TMEM236: variants seen among roughly 807,000 people sequenced by gnomAD.
The protein encoded by TMEM236 is family with sequence similarity 23, member A.
Under a neutral mutation model 14.7 loss-of-function variants are expected in TMEM236, and 11 were observed. That is an observed-to-expected ratio of 0.75 (90% confidence interval 0.47 to 1.24). TMEM236 has a LOEUF of 1.24. TMEM236 is among the 50% of genes most tolerant of loss of function. The probability of loss-of-function intolerance (pLI) is 0.00; values close to 1 mark genes in which losing one functional copy is unlikely to be tolerated. For synonymous variants in TMEM236, 182 were observed against 168.6 expected (o/e 1.08, Z -0.62); for missense variants, 464 against 427.3 (o/e 1.09, Z -0.76).
At position 17,796,368 on chromosome 10, in the gene TMEM236, G is replaced by T. The variant is rs1838015605; in HGVS notation, c.920G>T (p.Gly307Val). The change falls in exon 4 of 4, where the codon GGT (glycine) becomes GTT (valine). Residue 307 changes from glycine to valine, a missense_variant. By Grantham distance (109) the Gly-to-Val change is moderately radical (BLOSUM62 -3). Coordinates refer to ENST00000377495, the MANE Select transcript of TMEM236 (RefSeq NM_001098844.3). ...QDLPFVFVRL[G>V]LIIALGTITP... ...TTACCATTCGTTTTTGTTAGACTTG[G>T]TTTAATCATTGCCCTGGGGACTATC... The T allele has an allele frequency of 1.2e-6, 2 of 1,613,788 alleles. No individual in the cohort carries two copies. The highest frequency in any genetic ancestry group is 2.7e-5 in the African/African-American group (2 of 74,896).
In TMEM236 at chr10:17,798,403, G is replaced by A; in HGVS notation, c.*1899G>A. The A allele has an allele frequency of 2.7e-6, 1 of 369,262 alleles. No individual in the cohort carries two copies. The highest frequency in any genetic ancestry group is 2.1e-5 in the South Asian group (1 of 48,138). 22.9% of individuals were successfully genotyped at this position (369,262 alleles called of 1,614,324 possible). On this transcript the variant is annotated 3_prime_UTR_variant, in exon 4 of 4. Coordinates refer to ENST00000377495, the MANE Select transcript of TMEM236 (RefSeq NM_001098844.3). Reference sequence around the variant, plus strand: ...AAAATACAAAAATTAGCTGGGCATGGTGATCTGCAACTATAGTCCCAGCTA... The same window carrying A: ...AAAATACAAAAATTAGCTGGGCATGATGATCTGCAACTATAGTCCCAGCTA...
intron 3 of TMEM236, among the ~76,000 whole-genome samples, chr10:17,795,296 A>G (rs961358665): frequency 1.3e-5 from 2 of 152,224 alleles, no homozygotes; most frequent in African/African-American, 2.4e-5. Context: ...GGAGTCAAAC[A>G]AATCTAGGTG....
chr10:17,773,174 G>T (rs2131750786), intron 2 of TMEM236, among the ~76,000 whole-genome samples: 1 of 152,288 alleles, frequency 6.6e-6, no homozygotes, highest in African/African-American at 2.4e-5. Flanking sequence ...AAGCATTTCT[G>T]TTGGTTATGT....
intron 1 of TMEM236, among the ~76,000 whole-genome samples, chr10:17,759,146 A>G (rs1292429704): frequency 1.3e-5 from 2 of 152,170 alleles, no homozygotes; most frequent in Non-Finnish European, 2.9e-5. Flanking sequence ...TAAACAAGTG[A>G]GATGGTTGGG....
chr10:17,755,707 G>A (rs1752476171), intron 1 of TMEM236, among the ~76,000 whole-genome samples: 1 of 152,098 alleles, frequency 6.6e-6, no homozygotes, highest in African/African-American at 2.4e-5. Flanking sequence ...GAATTTTGAG[G>A]GAATGGTGGA....
intron 3 of TMEM236, among the ~76,000 whole-genome samples, chr10:17,779,553 G>GCCTCCCAA (rs1837714520): frequency 4.6e-5 from 7 of 152,228 alleles, no homozygotes; most frequent in African/African-American, 1.7e-4. Context: ...TGGGAATACA[G>GCCTCCCAA]GAGGGCACCA....
chr10:17,788,556 G>A (rs1183928576), intron 3 of TMEM236, among the ~76,000 whole-genome samples: 3 of 143,306 alleles, frequency 2.1e-5, no homozygotes, highest in African/African-American at 7.8e-5. Flanking sequence ...TTCAAGACCA[G>A]CCTGAGTAAC....
In TMEM236 at chr10:17,796,881, G is replaced by T; in HGVS notation, c.*377G>T. The stretch of plus-strand genomic sequence containing the variant: ...AACTGAGCGTTCCCGCCTGCATTCC[G>T]CCTCCTGTCAGATCAGCAGCAGCAT... On this transcript the variant is annotated 3_prime_UTR_variant, in exon 4 of 4. Coordinates refer to ENST00000377495, the MANE Select transcript of TMEM236 (RefSeq NM_001098844.3). 1 of 268,640 alleles carries T rather than the reference G, an allele frequency of 3.7e-6. No individual in the cohort carries two copies. The highest frequency in any genetic ancestry group is 7.1e-6 in the Non-Finnish European group (1 of 140,486). 16.6% of individuals were successfully genotyped at this position (268,640 alleles called of 1,614,324 possible).
intron 1 of TMEM236, among the ~76,000 whole-genome samples, chr10:17,755,006 T>C (rs1302109821): frequency 1.3e-5 from 2 of 152,010 alleles, no homozygotes; most frequent in African/African-American, 4.8e-5. Context: ...TGGCACGATC[T>C]CAGCTCACTG....
chr10:17,762,681 T>C (rs1331202130), intron 1 of TMEM236, among the ~76,000 whole-genome samples: 1 of 147,572 alleles, frequency 6.8e-6, no homozygotes, highest in African/African-American at 2.5e-5. Context: ...ATTTAGGTTT[T>C]TGTCGAGACA....
chr10:17,758,703 AATGACTCTG>A (rs1175444881), intron 1 of TMEM236, among the ~76,000 whole-genome samples: 2 of 152,220 alleles, frequency 1.3e-5, no homozygotes, highest in Non-Finnish European at 2.9e-5. Flanking sequence ...AAATCTTCAG[AATGACTCTG>A]AAAAGTGGTA....
intron 3 of TMEM236, among the ~76,000 whole-genome samples, chr10:17,795,327 T>C (rs1352383514): frequency 2.0e-5 from 3 of 152,216 alleles, no homozygotes; most frequent in Non-Finnish European, 4.4e-5. Flanking sequence ...CTCTGCCCAA[T>C]ACTAACTGCA....
rs987712436 is a variant in TMEM236, at chr10:17,764,323, A to T, written c.258-6986A>T. 1.3e-4 allele frequency among the ~76,000 whole-genome samples: 20 copies of T among 152,210 alleles called. No homozygotes were observed. In the East Asian group the frequency reaches 2.1e-3, roughly 16 times the overall value. On this transcript the variant is annotated intron_variant, in intron 1 of 3. Transcript: ENST00000377495. ...TCCTAGGAGGGTCCCTCTCATTGCC[A>T]GTTTATTATGATGCACACAGAGATC...
At chr10:17,759,119 C>A (rs1035647264) in intron 1 of TMEM236, among the ~76,000 whole-genome samples, 102 of 152,282 alleles carry the variant, frequency 6.7e-4, no homozygotes, top group Non-Finnish European at 1.3e-3. Context: ...TCTAGGGATG[C>A]CTGCCAGAAT....
Position 17,782,761 on chromosome 10 carries a change from A to G in TMEM236, c.472+6591A>G, listed in dbSNP as rs1837774171. ...CCACCGCGCCAGGCCTCATTATTACATCTTCTACTGTGTAGAAGGTGTTAT... is the reference window on the plus strand; with the variant it reads ...CCACCGCGCCAGGCCTCATTATTACGTCTTCTACTGTGTAGAAGGTGTTAT... On this transcript the variant is annotated intron_variant, in intron 3 of 3. Coordinates refer to ENST00000377495, the MANE Select transcript of TMEM236 (RefSeq NM_001098844.3). Among the ~76,000 whole-genome samples, 6 of 152,148 alleles carry G rather than the reference A, an allele frequency of 3.9e-5. No individual in the cohort carries two copies. In the South Asian group the frequency reaches 1.2e-3, roughly 32 times the overall value.
chr10:17,755,226 T>C (rs1589137261), intron 1 of TMEM236, among the ~76,000 whole-genome samples: 4 of 152,104 alleles, frequency 2.6e-5, no homozygotes, highest in African/African-American at 9.6e-5. Context: ...GCTGGGATTA[T>C]AGGCATAAGC....
chr10:17,792,157 G>A (rs1837935668), intron 3 of TMEM236, among the ~76,000 whole-genome samples: 1 of 151,942 alleles, frequency 6.6e-6, no homozygotes, highest in Non-Finnish European at 1.5e-5. Flanking sequence ...GTGCAATCTC[G>A]GCTCACTGCA....
intron 1 of TMEM236, among the ~76,000 whole-genome samples, chr10:17,763,774 GT>G (rs1837414756): frequency 6.6e-6 from 1 of 152,146 alleles, no homozygotes; most frequent in African/African-American, 2.4e-5. Context: ...GGAGCAGGTG[GT>G]GAGAAATGGG....
intron 3 of TMEM236, among the ~76,000 whole-genome samples, chr10:17,778,152 A>G (rs1420097731): frequency 6.6e-6 from 1 of 152,226 alleles, no homozygotes; most frequent in Non-Finnish European, 1.5e-5. Context: ...AGACTCTAGC[A>G]CAATTTGTAC....
Sources: allele counts gnomAD v4.1 joint callset (sites outside exome capture counted in the v4.1 genomes callset), GRCh38; gene constraint gnomAD v4.1.1; transcripts MANE v1.5; gene names NCBI Gene and HGNC (gene_info 2026-07-23, HGNC 2026-07-21).